Variants in RBFOX1 observed in about 807,000 individuals in gnomAD.
RBFOX1 encodes RNA binding protein fox-1 homolog 1.
Under a neutral mutation model 57.7 loss-of-function variants are expected in RBFOX1, and 8 were observed. The ratio of observed to expected loss-of-function variants is 0.14; its 90% CI spans 0.08 to 0.25. The LOEUF (loss-of-function observed/expected upper bound fraction) is 0.25. Ranked by LOEUF, RBFOX1 falls within the 10% of genes least tolerant of loss-of-function variation. The pLI, the probability that RBFOX1 is intolerant of heterozygous loss-of-function variation, is 1.00. For missense variants in RBFOX1, 611 were observed against 548.5 expected (o/e 1.11, Z -1.14); for synonymous variants, 326 against 222.4 (o/e 1.47, Z -4.15).
In RBFOX1 at chr16:5,707,100, G is replaced by T. The variant is rs896436646; in HGVS notation, c.318+108139G>T. 1.3e-5 allele frequency among the ~76,000 whole-genome samples: 2 copies of T among 152,140 alleles called. 1 individual carries two copies. Among genetic ancestry groups the T allele is most frequent in the South Asian group, 4.1e-4 (2 of 4,824 alleles). On this transcript the variant is annotated intron_variant, in intron 3 of 19. Coordinates refer to the RBFOX1 transcript ENST00000641259. The stretch of plus-strand genomic sequence containing the variant: ...ACATGAGAAACACCCAGCCAGCCAA[G>T]TCAGGATTTGGATTTTTCACGACTC...
chr16:7,366,394 G>A (rs1239665669), intron 4 of RBFOX1, among the ~76,000 whole-genome samples: 3 of 152,066 alleles, frequency 2.0e-5, no homozygotes, highest in Non-Finnish European at 4.4e-5. Context: ...GGGAAGCTGC[G>A]CCCTGACATT....
At chr16:7,667,871 A>C (rs2069916132) in intron 13 of RBFOX1, among the ~76,000 whole-genome samples, 1 of 151,998 alleles carries the variant, frequency 6.6e-6, no homozygotes, top group Middle Eastern at 3.2e-3. Flanking sequence ...ACAGGATTTC[A>C]CCATGTTGGC....
chr16:5,724,306 C>G (rs1203130101), intron 3 of RBFOX1, among the ~76,000 whole-genome samples: 1 of 152,168 alleles, frequency 6.6e-6, no homozygotes, highest in Non-Finnish European at 1.5e-5. Flanking sequence ...ACCCTAAAGG[C>G]ACGGTGGGAT....
At chr16:7,161,047 G>A (rs2078222343) in intron 4 of RBFOX1, among the ~76,000 whole-genome samples, 1 of 152,172 alleles carries the variant, frequency 6.6e-6, no homozygotes, top group South Asian at 2.1e-4. Flanking sequence ...TTTGGTTCAG[G>A]TTGTTCCCAG....
chr16:7,054,074 C>A (rs1245450181), intron 4 of RBFOX1, among the ~76,000 whole-genome samples: 1 of 151,388 alleles, frequency 6.6e-6, no homozygotes, highest in Non-Finnish European at 1.5e-5. Context: ...TTCTTCTGCC[C>A]TCTTCATTTT....
chr16:6,090,731 T>C (rs2096159078), intron 1 of RBFOX1, among the ~76,000 whole-genome samples: 1 of 152,182 alleles, frequency 6.6e-6, no homozygotes, highest in Non-Finnish European at 1.5e-5. Context: ...CAGGGCCCCT[T>C]AGTGCAGTAA....
At chr16:6,906,727 T>C (rs2070073034) in intron 3 of RBFOX1, among the ~76,000 whole-genome samples, 1 of 149,218 alleles carries the variant, frequency 6.7e-6, no homozygotes, top group South Asian at 2.1e-4. Flanking sequence ...CAGAACTATT[T>C]TTTTTTTTTT....
chr16:6,575,404 A>G (rs2097418075), intron 2 of RBFOX1, among the ~76,000 whole-genome samples: 1 of 152,188 alleles, frequency 6.6e-6, no homozygotes, highest in Non-Finnish European at 1.5e-5. Flanking sequence ...ATGACGTGTA[A>G]CAGAATACCT....
intron 4 of RBFOX1, among the ~76,000 whole-genome samples, chr16:7,074,794 C>G (rs964651554): frequency 6.6e-6 from 1 of 152,000 alleles, no homozygotes; most frequent in East Asian, 1.9e-4. Context: ...TGCTTAAAAC[C>G]AAAGATAAAC....
At chr16:5,902,104 G>C (rs1488757651) in intron 4 of RBFOX1, among the ~76,000 whole-genome samples, 2 of 152,158 alleles carry the variant, frequency 1.3e-5, no homozygotes, top group Non-Finnish European at 2.9e-5. Flanking sequence ...TGAACTGTAA[G>C]CTCTAAATAC....
chr16:6,007,595 T>A (rs917321827), intron 4 of RBFOX1, among the ~76,000 whole-genome samples: 2 of 152,202 alleles, frequency 1.3e-5, no homozygotes, highest in Non-Finnish European at 2.9e-5. Flanking sequence ...AGCTGCTAAT[T>A]TTTGGAGTAA....
At chr16:5,649,913 C>T (rs1310109692) in intron 3 of RBFOX1, among the ~76,000 whole-genome samples, 1 of 152,118 alleles carries the variant, frequency 6.6e-6, no homozygotes, top group African/African-American at 2.4e-5. Context: ...AGCACTTCAT[C>T]AGAGGAGGTA....
At chr16:5,916,423 C>G (rs1182963691) in intron 4 of RBFOX1, among the ~76,000 whole-genome samples, 1 of 152,124 alleles carries the variant, frequency 6.6e-6, no homozygotes, top group East Asian at 1.9e-4. Context: ...TCTCTTTGCT[C>G]ATAAGAATCT....
chr16:5,887,781 G>A (rs982798676), intron 4 of RBFOX1, among the ~76,000 whole-genome samples: 9 of 152,124 alleles, frequency 5.9e-5, no homozygotes, highest in East Asian at 3.9e-4. Context: ...GTCAGACCAC[G>A]CAACCGAATG....
chr16:7,058,725 TC>T (rs1001447738), intron 4 of RBFOX1, among the ~76,000 whole-genome samples: 1 of 152,254 alleles, frequency 6.6e-6, no homozygotes, highest in Non-Finnish European at 1.5e-5. Context: ...TGGATTTTTT[TC>T]ATTAACTTTT....
At chr16:5,350,640 C>T (rs538457396) in intron 1 of RBFOX1, among the ~76,000 whole-genome samples, 2 of 152,104 alleles carry the variant, frequency 1.3e-5, no homozygotes, top group East Asian at 1.9e-4. Context: ...CCAAAGCGGG[C>T]GGATCACCTG....
rs1411461831 is a variant in RBFOX1 at position 6,249,137 on chromosome 16, A to C, written c.-126-67858A>C. 3.3e-5 allele frequency among the ~76,000 whole-genome samples: 5 copies of C among 152,298 alleles called. No homozygotes were observed. In the South Asian group the frequency reaches 1.0e-3, roughly 32 times the overall value. Reference sequence around the variant, plus strand: ...CCCACCAACCTACTCAAGATCGTTAAGAAAGACTTCCATGAGAAGGTAGCA... The same window carrying C: ...CCCACCAACCTACTCAAGATCGTTACGAAAGACTTCCATGAGAAGGTAGCA... On this transcript the variant is annotated intron_variant, in intron 1 of 15. Transcript: ENST00000550418.
At chr16:6,564,418 C>G (rs2097227260) in intron 2 of RBFOX1, among the ~76,000 whole-genome samples, 2 of 152,022 alleles carry the variant, frequency 1.3e-5, no homozygotes, top group South Asian at 2.1e-4. Flanking sequence ...CGAGATCGTG[C>G]CACTACACTC....
chr16:7,438,509 G>A (rs1192267263), intron 4 of RBFOX1, among the ~76,000 whole-genome samples: 2 of 152,142 alleles, frequency 1.3e-5, no homozygotes, highest in Admixed American at 6.6e-5. Context: ...GAACATCCAC[G>A]GACTCCAGCC....
Sources: allele counts gnomAD v4.1 joint callset (sites outside exome capture counted in the v4.1 genomes callset), GRCh38; gene constraint gnomAD v4.1.1; transcripts MANE v1.5; gene names NCBI Gene and HGNC (gene_info 2026-07-23, HGNC 2026-07-21).